The following AMOTL1 variants were observed in gnomAD, a reference collection of about 807,000 sequenced individuals.
AMOTL1 encodes angiomotin like 1.
Under a neutral mutation model 102.9 loss-of-function variants are expected in AMOTL1, and 45 were observed. The observed-to-expected ratio is 0.44, with a 90% CI of 0.34 to 0.56. The LOEUF is 0.56. Ranked by LOEUF, AMOTL1 falls within the 20% of genes least tolerant of loss-of-function variation. The probability of loss-of-function intolerance (pLI) is 0.01; values close to 1 mark genes in which losing one functional copy is unlikely to be tolerated. For synonymous variants in AMOTL1, 481 were observed against 484.7 expected, an observed-to-expected ratio of 0.99 and a Z score of 0.10; for missense variants, 1,114 against 1,225.6, an observed-to-expected ratio of 0.91 and a Z score of 1.36.
intron 6 of AMOTL1, among the ~76,000 whole-genome samples, chr11:94,832,207 ACTGT>A (rs768009121): frequency 2.0e-5 from 3 of 152,250 alleles, no homozygotes; most frequent in Non-Finnish European, 4.4e-5. Flanking sequence ...TAAAAATCCA[ACTGT>A]CTTTTTTTAA....
chr11:94,828,574 A>G (rs1952011698), intron 4 of AMOTL1, among the ~76,000 whole-genome samples: 1 of 152,114 alleles, frequency 6.6e-6, no homozygotes, highest in South Asian at 2.1e-4. Flanking sequence ...TTCCTGGACT[A>G]CCATCTCTTT....
intron 8 of AMOTL1, among the ~76,000 whole-genome samples, chr11:94,856,695 A>G (rs941547592): frequency 6.6e-6 from 1 of 152,214 alleles, no homozygotes; most frequent in African/African-American, 2.4e-5. Context: ...CAAGGCAGTT[A>G]TCTGACAGCT....
At chr11:94,793,902 T>C (rs1457281105) in intron 1 of AMOTL1, among the ~76,000 whole-genome samples, 1 of 152,274 alleles carries the variant, frequency 6.6e-6, no homozygotes, top group Non-Finnish European at 1.5e-5. Context: ...GTCCAAAATG[T>C]GCCTGTAATA....
intron 4 of AMOTL1, among the ~76,000 whole-genome samples, chr11:94,826,549 G>C (rs538591242): frequency 3.4e-4 from 52 of 152,288 alleles, no homozygotes; most frequent in Admixed American, 5.9e-4. Flanking sequence ...GGTCAAAGGG[G>C]AAGTGGACAT....
intron 2 of AMOTL1, among the ~76,000 whole-genome samples, chr11:94,734,769 C>A (rs757485229): frequency 7.2e-5 from 11 of 152,142 alleles, no homozygotes; most frequent in Non-Finnish European, 1.5e-4. Flanking sequence ...GATCAAAGGG[C>A]AATACCAGGA....
chr11:94,717,818 G>C (rs10831272), intron 1 of AMOTL1, among the ~76,000 whole-genome samples: 83,913 of 151,204 alleles, frequency 0.55, 24,907 homozygotes, highest in South Asian at 0.65. Flanking sequence ...AGTACATTCA[G>C]TACAAAGAAA....
intron 1 of AMOTL1, among the ~76,000 whole-genome samples, chr11:94,772,009 G>A (rs1369497879): frequency 6.6e-6 from 1 of 152,138 alleles, no homozygotes; most frequent in Non-Finnish European, 1.5e-5. Context: ...TTGTTTTTAA[G>A]TAAAATGTCT....
At position 94,799,758 on chromosome 11, in the gene AMOTL1, A is replaced by T; in HGVS notation, c.568A>T (p.Thr190Ser). 1.2e-6 allele frequency: 2 copies of T among 1,609,910 alleles called. No individual in the cohort carries two copies. Among genetic ancestry groups the T allele is most frequent in the Non-Finnish European group, 1.7e-6 (2 of 1,177,570 alleles). The change falls in exon 3 of 13, where the codon ACT becomes TCT. Residue 190 changes from threonine (T) to serine (S), a missense_variant. Coordinates refer to ENST00000433060, the MANE Select transcript of AMOTL1 (RefSeq NM_130847.3). This position sits in a 1 kb window ranked among gnomAD's most constrained non-coding sequence, Gnocchi z 4.5. Reference sequence around the variant, plus strand: ...TCAGCAGAACAACGAGGAACTGCCCACTTACGAGGAGGCCAAAGCACAGTC... The same window carrying T: ...TCAGCAGAACAACGAGGAACTGCCCTCTTACGAGGAGGCCAAAGCACAGTC... ...QPQQNNEELP[T>S]YEEAKAQSQF...
chr11:94,763,459 AAC>A (rs1950818839), upstream of AMOTL1, among the ~76,000 whole-genome samples: 2 of 152,144 alleles, frequency 1.3e-5, no homozygotes, highest in Non-Finnish European at 2.9e-5. Flanking sequence ...GGCAGGAAAA[AAC>A]ACACTAGAGT....
Position 94,758,579 on chromosome 11 carries a change from T to A in AMOTL1, c.136+17591T>A, listed in dbSNP as rs375863253. Among the ~76,000 whole-genome samples, 25 of 152,356 alleles carry A rather than the reference T, an allele frequency of 1.6e-4. 1 individual carries two copies. Among genetic ancestry groups the A allele is most frequent in the African/African-American group, 5.0e-4 (21 of 41,586 alleles). On this transcript the variant is annotated intron_variant, in intron 3 of 4. Coordinates refer to the AMOTL1 transcript ENST00000299004. ...AAGGCAACAAAAGGCTACATCTCCATGTGGCCAGCACTGTCATGAGCCTCA... is the reference window on the plus strand; with the variant it reads ...AAGGCAACAAAAGGCTACATCTCCAAGTGGCCAGCACTGTCATGAGCCTCA...
intron 6 of AMOTL1, among the ~76,000 whole-genome samples, chr11:94,840,392 T>G (rs1201808320): frequency 6.6e-6 from 1 of 151,976 alleles, no homozygotes; most frequent in East Asian, 1.9e-4. Context: ...TCTTTTTGCT[T>G]ACAAAGACTG....
intron 3 of AMOTL1, among the ~76,000 whole-genome samples, chr11:94,802,076 A>T (rs182892080): frequency 6.6e-6 from 1 of 152,296 alleles, no homozygotes; most frequent in Admixed American, 6.5e-5. Context: ...ATTTCCCCAC[A>T]TTAGACTGAG....
At chr11:94,850,754 C>A (rs1207533428) in intron 7 of AMOTL1, among the ~76,000 whole-genome samples, 2 of 152,210 alleles carry the variant, frequency 1.3e-5, no homozygotes, top group African/African-American at 4.8e-5. Flanking sequence ...CCTTCCAGCA[C>A]CCTGTGGTGG....
intron 1 of AMOTL1, among the ~76,000 whole-genome samples, chr11:94,714,799 T>C (rs1295384014): frequency 6.6e-6 from 1 of 152,098 alleles, no homozygotes; most frequent in Non-Finnish European, 1.5e-5. Context: ...ATTATATCAA[T>C]TTTTTCCACT....
intron 6 of AMOTL1, among the ~76,000 whole-genome samples, chr11:94,834,895 A>C (rs604083): frequency 6.6e-6 from 1 of 152,116 alleles, no homozygotes; most frequent in Non-Finnish European, 1.5e-5. Context: ...TTCTTCTAAA[A>C]ACTGAACTCT....
chr11:94,746,168 G>T (rs764435530), intron 3 of AMOTL1, among the ~76,000 whole-genome samples: 1 of 152,174 alleles, frequency 6.6e-6, no homozygotes, highest in African/African-American at 2.4e-5. Context: ...GTAGAGAAAG[G>T]GGTGTGTCTC....
At chr11:94,779,091 G>A (rs1193051790) in intron 1 of AMOTL1, among the ~76,000 whole-genome samples, 2 of 152,190 alleles carry the variant, frequency 1.3e-5, no homozygotes, top group African/African-American at 2.4e-5. Flanking sequence ...TTCCACAGGT[G>A]TGTCAAAGAA....
intron 6 of AMOTL1, among the ~76,000 whole-genome samples, chr11:94,849,559 T>G (rs1952487464): frequency 6.6e-6 from 1 of 152,078 alleles, no homozygotes; most frequent in Admixed American, 6.6e-5. Flanking sequence ...CCCTTTCCCC[T>G]TTTTAGCAGG....
rs201871905 is a variant in AMOTL1, at chr11:94,869,220, C to T, written c.2511C>T (p.His837=). 1,023 of 1,602,858 alleles carry T rather than the reference C, an allele frequency of 6.4e-4. 1 individual carries two copies. The highest frequency in any genetic ancestry group is 6.9e-4 in the Non-Finnish European group (813 of 1,170,808). The change falls in exon 12 of 13, where the codon CAC becomes CAT. Residue 837 remains histidine (H), a synonymous_variant. Coordinates refer to ENST00000433060, the MANE Select transcript of AMOTL1 (RefSeq NM_130847.3). The part of the protein sequence containing the change: ...GSIGLLLGKE[H]HEHASAPLLP... The stretch of plus-strand genomic sequence containing the variant: ...CAGGATTGCTGCTGGGGAAGGAGCA[C>T]CATGAGCATGCCTCTGCCCCACTGC...
Sources: gnomAD v4.1 joint callset for allele counts (sites outside exome capture counted in the v4.1 genomes callset) on GRCh38, gnomAD v4.1.1 for gene constraint, Gnocchi (gnomAD v3.1) non-coding constraint, MANE v1.5 for transcripts, NCBI Gene and HGNC (gene_info 2026-07-23, HGNC 2026-07-21) for gene names.